Variants in CYP19A1 observed in about 807,000 individuals in gnomAD.
CYP19A1 encodes the protein aromatase.
A neutral mutation model predicts 44.4 loss-of-function variants in CYP19A1; 32 were observed. The ratio of observed to expected loss-of-function variants is 0.72; its 90% CI spans 0.54 to 0.97. CYP19A1 has a LOEUF of 0.97. Among genes scored for constraint, CYP19A1 ranks in the 50% least tolerant of loss-of-function variants. CYP19A1 has a pLI of 0.00. For missense variants in CYP19A1, 598 were observed against 637.8 expected, an observed-to-expected ratio of 0.94 and a Z score of 0.67; for synonymous variants, 212 against 215.6, an observed-to-expected ratio of 0.98 and a Z score of 0.14.
At chr15:51,213,727 A>G (rs748149709) in intron 8 of CYP19A1, among the ~76,000 whole-genome samples, 2 of 152,182 alleles carry the variant, frequency 1.3e-5, no homozygotes, top group East Asian at 1.9e-4. Context: ...CACCTCTCAA[A>G]TAAATGGTAT....
At chr15:51,327,947 A>G (rs1258291933) in intron 1 of CYP19A1, among the ~76,000 whole-genome samples, 1 of 152,232 alleles carries the variant, frequency 6.6e-6, no homozygotes, top group Non-Finnish European at 1.5e-5. Flanking sequence ...ATTTTATAGA[A>G]AAATAAGTAT....
At chr15:51,217,726 T>C (rs143977172) in intron 6 of CYP19A1, among the ~76,000 whole-genome samples, 2 of 152,328 alleles carry the variant, frequency 1.3e-5, no homozygotes, top group East Asian at 3.9e-4. Flanking sequence ...TGCCATGCTC[T>C]ATGCTAATTG....
chr15:51,270,742 C>T (rs913897659), intron 1 of CYP19A1, among the ~76,000 whole-genome samples: 2 of 152,288 alleles, frequency 1.3e-5, no homozygotes, highest in Non-Finnish European at 2.9e-5. Flanking sequence ...AAAATCCATC[C>T]GTCTGACTCT....
intron 5 of CYP19A1, 140 bp from the exon 6 acceptor site, chr15:51,218,795 T>C: frequency 1.4e-6 from 2 of 1,477,284 alleles, no homozygotes; most frequent in Non-Finnish European, 1.8e-6. Context: ...AGATTCCATC[T>C]TCAGTAGGAG....
At chr15:51,291,884 G>A (rs1481133533) in intron 1 of CYP19A1, among the ~76,000 whole-genome samples, 2 of 152,180 alleles carry the variant, frequency 1.3e-5, no homozygotes, top group African/African-American at 4.8e-5. Context: ...CATTTCACTG[G>A]AGTCCAAGGA....
chr15:51,310,867 C>T (rs1165980189), intron 1 of CYP19A1, among the ~76,000 whole-genome samples: 10 of 152,210 alleles, frequency 6.6e-5, no homozygotes, highest in Admixed American at 5.9e-4. Context: ...CAAGTCCTGA[C>T]CTCACCTCCA....
At chr15:51,256,997 T>C (rs2034540261) in intron 1 of CYP19A1, among the ~76,000 whole-genome samples, 1 of 152,196 alleles carries the variant, frequency 6.6e-6, no homozygotes, top group Non-Finnish European at 1.5e-5. Flanking sequence ...CATTATTAAT[T>C]GCACCCCCTC....
At chr15:51,238,145 TTAAA>T (rs1399608259) in intron 2 of CYP19A1, among the ~76,000 whole-genome samples, 1 of 152,222 alleles carries the variant, frequency 6.6e-6, no homozygotes, top group Non-Finnish European at 1.5e-5. Context: ...TTTTTTCCCT[TTAAA>T]TAAAAGATCT....
rs577530134 is a variant in CYP19A1, at chr15:51,224,774, A to G, written c.452-2249T>C. ...CTCCATAGTTTTTGAGATAAGCTCA[A>G]TTCCTTGCCTTAACTGAGAGGTCTT... On this transcript the variant is annotated intron_variant, in intron 4 of 9. Coordinates refer to ENST00000396402, the MANE Select transcript of CYP19A1 (RefSeq NM_000103.4). 3.9e-5 allele frequency among the ~76,000 whole-genome samples: 6 copies of G among 152,298 alleles called. No individual in the cohort carries two copies. The South Asian group carries it at 1.2e-3, about 32-fold the overall frequency.
chr15:51,223,593 TCA>T (rs5812545), intron 4 of CYP19A1, among the ~76,000 whole-genome samples: 1,594 of 90,140 alleles, frequency 0.018, 23 homozygotes, highest in East Asian at 0.046. Context: ...TCTCTCTCTC[TCA>T]CACACACACA....
chr15:51,332,682 A>G (rs915781654), intron 1 of CYP19A1, among the ~76,000 whole-genome samples: 4 of 152,112 alleles, frequency 2.6e-5, no homozygotes, highest in African/African-American at 9.7e-5. Flanking sequence ...TTTTCCTTGC[A>G]TATTCTCAAC....
At chr15:51,312,263 G>A (rs1186548189) in intron 1 of CYP19A1, 1 of 152,198 alleles carries the variant, frequency 6.6e-6, no homozygotes. Flanking sequence ...CAGATGCTAA[G>A]GCACAGAATA....
intron 2 of CYP19A1, 24 bp from the exon 3 acceptor site, chr15:51,237,033 G>A (rs1455005118): frequency 1.9e-6 from 3 of 1,613,846 alleles, no homozygotes; most frequent in Non-Finnish European, 2.5e-6. Flanking sequence ...CAGAGCATAA[G>A]CAACATCTTA....
chr15:51,318,257 G>A (rs972177923), intron 1 of CYP19A1, among the ~76,000 whole-genome samples: 1 of 152,158 alleles, frequency 6.6e-6, no homozygotes, highest in African/African-American at 2.4e-5. Context: ...AGAAACTGAG[G>A]ATCTAAGAAA....
rs1394828588 is a variant in CYP19A1, at chr15:51,208,207, G to C, written c.*2601C>G. ...TTGTGGAACATTAGCATCATGAACAGTGAAAGGTGCTGCTTAGGAATAAAA... is the reference window on the plus strand; with the variant it reads ...TTGTGGAACATTAGCATCATGAACACTGAAAGGTGCTGCTTAGGAATAAAA... On this transcript the variant is annotated 3_prime_UTR_variant, in exon 10 of 10. Coordinates refer to ENST00000396402, the MANE Select transcript of CYP19A1 (RefSeq NM_000103.4). 2 of 152,166 alleles carry C rather than the reference G, an allele frequency of 1.3e-5. No individual in the cohort carries two copies. The highest frequency in any genetic ancestry group is 2.9e-5 in the Non-Finnish European group (2 of 68,028). The allele number at this position is 152,166 out of a possible 1,614,324, so 9.4% of individuals were successfully genotyped here.
rs188330989 is a variant in CYP19A1, at chr15:51,219,760, C to G, written c.629-1105G>C. ...ATCCAAAAATGAATGGAGAGATTTACAAATCCTTTTATATGATCCTTCCTA... is the reference window on the plus strand; with the variant it reads ...ATCCAAAAATGAATGGAGAGATTTAGAAATCCTTTTATATGATCCTTCCTA... On this transcript the variant is annotated intron_variant, in intron 5 of 9. Coordinates refer to ENST00000396402, the MANE Select transcript of CYP19A1 (RefSeq NM_000103.4). Among the ~76,000 whole-genome samples the G allele has an allele frequency of 4.9e-4, 74 of 152,330 alleles. 1 individual carries two copies. Among genetic ancestry groups the G allele is most frequent in the Non-Finnish European group, 1.5e-5 (1 of 68,030 alleles).
At chr15:51,238,614 G>C (rs939838315) in intron 2 of CYP19A1, among the ~76,000 whole-genome samples, 7 of 152,192 alleles carry the variant, frequency 4.6e-5, no homozygotes, top group Non-Finnish European at 8.8e-5. Flanking sequence ...TCAGCCTCCC[G>C]AGTAGCTGGG....
chr15:51,285,015 A>G (rs867162618), intron 1 of CYP19A1, among the ~76,000 whole-genome samples: 1 of 152,252 alleles, frequency 6.6e-6, no homozygotes, highest in South Asian at 2.1e-4. Context: ...GGAAAGTTCT[A>G]CCTCATGGAG....
chr15:51,329,554 T>C (rs1014132327), intron 1 of CYP19A1, among the ~76,000 whole-genome samples: 1 of 152,098 alleles, frequency 6.6e-6, no homozygotes, highest in Non-Finnish European at 1.5e-5. Context: ...AAGGTAAACA[T>C]GTATAGAGAA....
Sources: allele counts gnomAD v4.1 joint callset (sites outside exome capture counted in the v4.1 genomes callset), GRCh38; gene constraint gnomAD v4.1.1; transcripts MANE v1.5; gene names NCBI Gene and HGNC (gene_info 2026-07-23, HGNC 2026-07-21).